The following USP34 variants were observed in gnomAD, a reference collection of about 807,000 sequenced individuals.
USP34 encodes ubiquitin carboxyl-terminal hydrolase 34.
A neutral mutation model predicts 460.3 loss-of-function variants in USP34; 70 were observed. The ratio of observed to expected loss-of-function variants is 0.15; its 90% CI spans 0.13 to 0.19. USP34 has a LOEUF of 0.19. Among genes scored for constraint, USP34 ranks in the 10% least tolerant of loss-of-function variants. USP34 has a pLI of 1.00. For synonymous variants in USP34, 1,647 were observed against 1,405.3 expected (o/e 1.17, Z -3.85); for missense variants, 3,985 against 4,236.2 (o/e 0.94, Z 1.65).
chr2:61,324,293 T>C (rs1558530152), intron 21 of USP34, among the ~76,000 whole-genome samples: 1 of 152,132 alleles, frequency 6.6e-6, no homozygotes, highest in Non-Finnish European at 1.5e-5. Flanking sequence ...CAGACCAAGC[T>C]CTACTTTTAA....
chr2:61,308,967 G>A (rs1690500711), intron 27 of USP34, among the ~76,000 whole-genome samples: 2 of 152,054 alleles, frequency 1.3e-5, no homozygotes, highest in South Asian at 4.1e-4. Context: ...ACTTGAACAT[G>A]GACGTTGCAG....
At position 61,280,285 on chromosome 2, in the gene USP34, A is replaced by G. The variant is rs770938607; in HGVS notation, c.5215T>C (p.Cys1739Arg). The G allele has an allele frequency of 4.5e-6, 7 of 1,564,554 alleles. No individual in the cohort carries two copies. Among genetic ancestry groups the G allele is most frequent in the African/African-American group, 4.1e-5 (3 of 72,754 alleles). The change falls in exon 39 of 80, where the codon TGC becomes CGC. Residue 1739 changes from cysteine to arginine, a missense_variant. Physicochemically the swap from Cys to Arg is radical, Grantham distance 180 (BLOSUM62 -3). Transcript: ENST00000398571. Reference sequence around the variant, plus strand: ...ATATGTATGTTGTCAACTAATTTGCATAACAACCAAAAATACTCTTTACAT... The same window carrying G: ...ATATGTATGTTGTCAACTAATTTGCGTAACAACCAAAAATACTCTTTACAT... ...PGCKEYFWLL[C>R]KLVDNIHIKD...
chr2:61,363,185 A>T (rs926607851), intron 10 of USP34, among the ~76,000 whole-genome samples: 9 of 152,208 alleles, frequency 5.9e-5, no homozygotes, highest in Non-Finnish European at 1.3e-4. Context: ...AGGATAGCTG[A>T]ATTTTTTTTC....
intron 1 of USP34, among the ~76,000 whole-genome samples, chr2:61,422,095 A>C (rs554468214): frequency 6.6e-6 from 1 of 152,338 alleles, no homozygotes; most frequent in South Asian, 2.1e-4. Context: ...AGCCGAAGAC[A>C]CTACTGACCA....
intron 2 of USP34, among the ~76,000 whole-genome samples, chr2:61,413,166 C>CG (rs1391988412): frequency 6.6e-6 from 1 of 151,968 alleles, no homozygotes; most frequent in African/African-American, 2.4e-5. Flanking sequence ...AAGGCTGAGG[C>CG]GGGCAGATCA....
At chr2:61,405,248 A>AG in intron 3 of USP34, among the ~76,000 whole-genome samples, 1 of 149,640 alleles carries the variant, frequency 6.7e-6, no homozygotes, top group Non-Finnish European at 1.5e-5. Context: ...AAAAAAAAAA[A>AG]AAAAAAAAAG....
Position 61,416,992 on chromosome 2 carries a change from T to A in USP34, c.131+3754A>T. The A allele has an allele frequency of 3.8e-6, 5 of 1,321,510 alleles. No individual in the cohort carries two copies. The South Asian group carries it at 5.9e-5, about 16-fold the overall frequency. The allele number at this position is 1,321,510 out of a possible 1,614,324, so 81.9% of individuals were successfully genotyped here. A position where few individuals can be genotyped will look rare whatever the true frequency, so the allele number is the denominator to read the frequency against. ...CTCAGCCACCATATCTTCAAATTCA[T>A]CGGCATTGAACTTGGTGAAGCCCCA... On this transcript the variant is annotated intron_variant, in intron 2 of 79. Coordinates refer to ENST00000398571, the MANE Select transcript of USP34 (RefSeq NM_014709.4).
At chr2:61,353,514 C>T (rs747643835) in intron 10 of USP34, among the ~76,000 whole-genome samples, 38 of 151,770 alleles carry the variant, frequency 2.5e-4, no homozygotes, top group Non-Finnish European at 5.3e-4. Context: ...GCCTCAGCCT[C>T]CCAAGTAGCT....
At chr2:61,208,835 G>A (rs2103780371) in intron 70 of USP34, 64 bp downstream of exon 70, 1 of 1,236,616 alleles carries the variant, frequency 8.1e-7, no homozygotes, top group South Asian at 1.8e-5. Flanking sequence ...TGTCTATAAA[G>A]TAAGTCTTGG....
intron 21 of USP34, among the ~76,000 whole-genome samples, chr2:61,320,907 G>C (rs1372518073): frequency 1.3e-5 from 2 of 152,138 alleles, no homozygotes; most frequent in African/African-American, 2.4e-5. Flanking sequence ...CTACTCGGGA[G>C]GATAAGGCAC....
intron 41 of USP34, among the ~76,000 whole-genome samples, chr2:61,275,442 C>G (rs960314038): frequency 6.6e-6 from 1 of 151,944 alleles, no homozygotes; most frequent in Non-Finnish European, 1.5e-5. Flanking sequence ...CACAGCAAAA[C>G]CCCATCTCTA....
intron 75 of USP34, chr2:61,194,275 A>C: frequency 1.0e-6 from 1 of 985,358 alleles, no homozygotes; most frequent in Non-Finnish European, 1.2e-6. Context: ...ATCCTAACCT[A>C]ATCTGGTTGG....
chr2:61,295,409 T>G (rs569796944), intron 30 of USP34, 119 bp from the exon 31 acceptor site: 1 of 1,089,370 alleles, frequency 9.2e-7, no homozygotes, highest in East Asian at 2.8e-5. Flanking sequence ...TTGAAACATA[T>G]TAAAACATAT....
rs1224573536 is a variant in USP34, at chr2:61,471,011, C to G, written c.-319G>C. Among the ~76,000 whole-genome samples, 1 of 150,804 alleles carries G rather than the reference C, an allele frequency of 6.6e-6. No homozygotes were observed. Among genetic ancestry groups the G allele is most frequent in the East Asian group, 2.0e-4 (1 of 5,030 alleles). Reference sequence around the variant, plus strand: ...GGGAGGGGGCGGGTGGGGAGAGAAGCAGCAGAGTCACTTCACCGACCAGAC... The same window carrying G: ...GGGAGGGGGCGGGTGGGGAGAGAAGGAGCAGAGTCACTTCACCGACCAGAC... On this transcript the variant is annotated 5_prime_UTR_variant, in exon 1 of 80. Transcript: ENST00000398571.
At chr2:61,212,981 A>G (rs1364477052) in intron 68 of USP34, among the ~76,000 whole-genome samples, 2 of 152,118 alleles carry the variant, frequency 1.3e-5, no homozygotes, top group Admixed American at 1.3e-4. Context: ...ATTGGTTTTC[A>G]ATTTCTTGGT....
chr2:61,346,917 C>T (rs1172221621), intron 15 of USP34, among the ~76,000 whole-genome samples: 1 of 148,370 alleles, frequency 6.7e-6, no homozygotes, highest in African/African-American at 2.5e-5. Flanking sequence ...GCGGGCAGAT[C>T]ATCTGAGGTC....
intron 6 of USP34, among the ~76,000 whole-genome samples, chr2:61,381,054 G>A (rs1319556318): frequency 9.9e-5 from 15 of 152,100 alleles, no homozygotes; most frequent in Non-Finnish European, 2.1e-4. Flanking sequence ...CAAGTACCCA[G>A]GGACACAAAC....
At chr2:61,403,991 T>TAAA (rs1693794973) in intron 3 of USP34, among the ~76,000 whole-genome samples, 2 of 14,176 alleles carry the variant, frequency 1.4e-4, no homozygotes, top group Admixed American at 1.6e-3. Context: ...AGACTCTATC[T>TAAA]CAAAAAAAAA....
chr2:61,326,006 T>G (rs1473702778), intron 20 of USP34, among the ~76,000 whole-genome samples: 1 of 152,190 alleles, frequency 6.6e-6, no homozygotes, highest in Non-Finnish European at 1.5e-5. Flanking sequence ...AAGTTGCTTT[T>G]GAAACTTTTA....
Sources: gnomAD v4.1 joint callset for allele counts (sites outside exome capture counted in the v4.1 genomes callset) on GRCh38, gnomAD v4.1.1 for gene constraint, MANE v1.5 for transcripts, NCBI Gene and HGNC (gene_info 2026-07-23, HGNC 2026-07-21) for gene names.